KCNMA1: variants seen among roughly 807,000 people sequenced by gnomAD.
The protein encoded by KCNMA1 is potassium calcium-activated channel subfamily M alpha 1.
A neutral mutation model predicts 140.0 loss-of-function variants in KCNMA1; 29 were observed. That is an observed-to-expected ratio of 0.21 (90% CI 0.15 to 0.28). The LOEUF (loss-of-function observed/expected upper bound fraction) is 0.28, where lower values mean the gene tolerates loss of function less well. Ranked by LOEUF, KCNMA1 falls within the 10% of genes least tolerant of loss-of-function variation. KCNMA1 has a pLI of 1.00. For synonymous variants in KCNMA1, 612 were observed against 611.9 expected, an observed-to-expected ratio of 1.00 and a Z score of 0.00; for missense variants, 880 against 1,602.2, an observed-to-expected ratio of 0.55 and a Z score of 7.70.
intron 20 of KCNMA1, among the ~76,000 whole-genome samples, chr10:76,955,203 T>C (rs955145276): frequency 8.4e-4 from 127 of 151,124 alleles, no homozygotes; most frequent in African/African-American, 3.0e-3. Flanking sequence ...TTTTCTTTTT[T>C]TTTTTTTTTA....
chr10:77,312,269 A>C (rs927008339), intron 2 of KCNMA1, among the ~76,000 whole-genome samples: 3 of 152,224 alleles, frequency 2.0e-5, no homozygotes, highest in African/African-American at 7.2e-5. Context: ...ATTGACCAAA[A>C]GTGGAAAGAG....
At chr10:77,299,034 C>T (rs2075932302) in intron 2 of KCNMA1, among the ~76,000 whole-genome samples, 1 of 152,218 alleles carries the variant, frequency 6.6e-6, no homozygotes, top group South Asian at 2.1e-4. Context: ...CATATATGTT[C>T]ACCAGTGCTG....
intron 5 of KCNMA1, among the ~76,000 whole-genome samples, chr10:77,179,644 A>AG (rs141075667): frequency 0.023 from 3,532 of 152,286 alleles, 73 homozygotes; most frequent in Middle Eastern, 0.092. Flanking sequence ...TCAAGGGGTA[A>AG]GGACACAGAA....
At chr10:77,554,203 A>G (rs2063568445) in intron 1 of KCNMA1, among the ~76,000 whole-genome samples, 1 of 152,210 alleles carries the variant, frequency 6.6e-6, no homozygotes, top group African/African-American at 2.4e-5. Flanking sequence ...CCCAGGTTGC[A>G]GCACAGGGAA....
intron 12 of KCNMA1, among the ~76,000 whole-genome samples, chr10:77,083,931 G>A (rs1319256273): frequency 6.6e-6 from 1 of 152,090 alleles, no homozygotes; most frequent in Non-Finnish European, 1.5e-5. Flanking sequence ...CGTTATCTCA[G>A]AGATGCATAT....
intron 17 of KCNMA1, 150 bp downstream of exon 17, chr10:77,018,863 T>A: frequency 1.5e-6 from 1 of 663,046 alleles, no homozygotes; most frequent in Non-Finnish European, 2.8e-6. Context: ...ATTCACTACA[T>A]GAACTGGAGT....
intron 1 of KCNMA1, among the ~76,000 whole-genome samples, chr10:77,424,442 G>GCT (rs2096932044): frequency 6.6e-6 from 1 of 152,218 alleles, no homozygotes; most frequent in African/African-American, 2.4e-5. Context: ...TGGAGCTGGT[G>GCT]CTCTCACCAC....
intron 2 of KCNMA1, among the ~76,000 whole-genome samples, chr10:77,296,910 G>GA (rs752323602): frequency 6.8e-6 from 1 of 147,924 alleles, no homozygotes. Flanking sequence ...TGGGTGTGTG[G>GA]GCGGGGGGGC....
chr10:77,317,643 T>G (rs1032042181), intron 2 of KCNMA1, among the ~76,000 whole-genome samples: 2 of 152,244 alleles, frequency 1.3e-5, no homozygotes, highest in Admixed American at 1.3e-4. Flanking sequence ...ATATTTTTAT[T>G]AGCCCCATAG....
At chr10:77,192,369 T>C (rs915865683) in intron 3 of KCNMA1, among the ~76,000 whole-genome samples, 3 of 152,210 alleles carry the variant, frequency 2.0e-5, no homozygotes, top group Non-Finnish European at 4.4e-5. Context: ...AAGAGTCTCC[T>C]TTCCCATCTT....
chr10:77,032,507 G>T (rs1288692342), intron 15 of KCNMA1, among the ~76,000 whole-genome samples: 1 of 152,102 alleles, frequency 6.6e-6, no homozygotes, highest in Non-Finnish European at 1.5e-5. Context: ...AAAATAAAAT[G>T]CCCCAGTATG....
At chr10:77,551,619 T>G (rs933142168) in intron 1 of KCNMA1, among the ~76,000 whole-genome samples, 6 of 152,184 alleles carry the variant, frequency 3.9e-5, no homozygotes, top group Non-Finnish European at 1.5e-5. Context: ...AAAAACACAC[T>G]GTTAATATGC....
At chr10:77,068,953 A>G (rs1162342759) in intron 14 of KCNMA1, among the ~76,000 whole-genome samples, 1 of 151,908 alleles carries the variant, frequency 6.6e-6, no homozygotes, top group Non-Finnish European at 1.5e-5. Flanking sequence ...AGCACAATTC[A>G]TGAAGATGGC....
intron 3 of KCNMA1, among the ~76,000 whole-genome samples, chr10:77,194,287 G>A (rs1039934914): frequency 7.2e-5 from 11 of 152,272 alleles, no homozygotes; most frequent in African/African-American, 2.6e-4. Flanking sequence ...TAGCATAACA[G>A]ACTGTCAAAT....
At chr10:76,872,047 C>A (rs892688295) in exon 28 of KCNMA1, 4 of 152,166 alleles carry the variant, frequency 2.6e-5, no homozygotes, top group Non-Finnish European at 5.9e-5. Context: ...AGGGGAATTC[C>A]TATTTGGCAG....
chr10:77,637,186 G>C, intron 1 of KCNMA1, 79 bp downstream of exon 1: 1 of 1,369,026 alleles, frequency 7.3e-7, no homozygotes, highest in Non-Finnish European at 1.0e-6. Context: ...GCGCGGCGCG[G>C]AGCGAGGAGG....
chr10:77,385,357 C>T (rs572417158), intron 2 of KCNMA1, among the ~76,000 whole-genome samples: 1 of 152,326 alleles, frequency 6.6e-6, no homozygotes, highest in South Asian at 2.1e-4. Context: ...TTACAGTTTA[C>T]TATGTTTTAT....
At chr10:77,134,775 G>C (rs994641823) in intron 5 of KCNMA1, among the ~76,000 whole-genome samples, 4 of 151,862 alleles carry the variant, frequency 2.6e-5, no homozygotes, top group Admixed American at 6.6e-5. Flanking sequence ...AAGGCAGGTG[G>C]ATCACAAGAT....
intron 1 of KCNMA1, among the ~76,000 whole-genome samples, chr10:77,487,008 A>G (rs1008771043): frequency 6.6e-6 from 1 of 152,232 alleles, no homozygotes; most frequent in African/African-American, 2.4e-5. Flanking sequence ...GTCTTAGCTC[A>G]TGGCAGGTTT....
Sources: allele counts gnomAD v4.1 joint callset (sites outside exome capture counted in the v4.1 genomes callset), GRCh38; gene constraint gnomAD v4.1.1; transcripts MANE v1.5; gene names NCBI Gene and HGNC (gene_info 2026-07-23, HGNC 2026-07-21).